Variants in EML1 observed in about 807,000 individuals in gnomAD.
The protein encoded by EML1 is echinoderm microtubule-associated protein-like 1.
In EML1, 27 loss-of-function variants were observed where a neutral mutation model predicts 110.4. The ratio of observed to expected loss-of-function variants is 0.24; its 90% CI spans 0.18 to 0.34. The LOEUF (loss-of-function observed/expected upper bound fraction) is 0.34. Among genes scored for constraint, EML1 ranks in the 10% least tolerant of loss-of-function variants. The probability of loss-of-function intolerance (pLI) is 1.00; values close to 1 mark genes in which losing one functional copy is unlikely to be tolerated. For missense variants in EML1, 741 were observed against 1,030.9 expected, an observed-to-expected ratio of 0.72 and a Z score of 3.85; for synonymous variants, 344 against 385.8, an observed-to-expected ratio of 0.89 and a Z score of 1.27.
chr14:99,836,542 T>G (rs2058543919), intron 1 of EML1, among the ~76,000 whole-genome samples: 1 of 152,222 alleles, frequency 6.6e-6, no homozygotes, highest in Admixed American at 6.5e-5. Flanking sequence ...ACTTGCAGTA[T>G]GATGTTGAAT....
At chr14:99,861,627 G>T (rs1038381206) in intron 2 of EML1, among the ~76,000 whole-genome samples, 2 of 152,010 alleles carry the variant, frequency 1.3e-5, no homozygotes, top group African/African-American at 4.8e-5. Flanking sequence ...GATGACAGGC[G>T]CATGTCACCA....
chr14:99,899,915 C>T (rs1291897924), intron 8 of EML1, among the ~76,000 whole-genome samples: 3 of 152,108 alleles, frequency 2.0e-5, no homozygotes, highest in East Asian at 1.9e-4. Context: ...AGTGAATGCC[C>T]GCGGACACCC....
At chr14:99,824,185 C>T (rs766604246) in intron 1 of EML1, among the ~76,000 whole-genome samples, 47 of 152,272 alleles carry the variant, frequency 3.1e-4, no homozygotes, top group Non-Finnish European at 3.2e-4. Flanking sequence ...GTCTCAAACT[C>T]CTGACCTCAG....
intron 1 of EML1, among the ~76,000 whole-genome samples, chr14:99,762,647 A>G (rs866463264): frequency 6.6e-6 from 1 of 152,200 alleles, no homozygotes; most frequent in East Asian, 1.9e-4. Context: ...AAAATTTTTT[A>G]AAGTAGTCAG....
chr14:99,927,305 G>A (rs1280723859), intron 17 of EML1, among the ~76,000 whole-genome samples: 2 of 152,106 alleles, frequency 1.3e-5, no homozygotes, highest in African/African-American at 4.8e-5. Flanking sequence ...AAACTGGCTC[G>A]TTTGTCCTGT....
chr14:99,778,467 G>A (rs149764914), intron 1 of EML1, among the ~76,000 whole-genome samples: 12 of 151,970 alleles, frequency 7.9e-5, no homozygotes, highest in South Asian at 2.1e-4. Context: ...GCATTTCTCC[G>A]GAGCCTCTGT....
At chr14:99,938,988 A>G (rs1172415480) in intron 20 of EML1, among the ~76,000 whole-genome samples, 1 of 152,220 alleles carries the variant, frequency 6.6e-6, no homozygotes, top group Non-Finnish European at 1.5e-5. Flanking sequence ...GCAGAGCATC[A>G]GAGGGTCTCC....
chr14:99,750,000 A>T (rs940943073), intron 1 of EML1, among the ~76,000 whole-genome samples: 2 of 152,228 alleles, frequency 1.3e-5, no homozygotes, highest in Non-Finnish European at 2.9e-5. Flanking sequence ...TCTGGAAGGC[A>T]GCCAGGAGTG....
chr14:99,806,069 C>A (rs1211360773), intron 1 of EML1, among the ~76,000 whole-genome samples: 1 of 152,148 alleles, frequency 6.6e-6, no homozygotes, highest in Admixed American at 6.5e-5. Context: ...CAATATTTGT[C>A]TTTTTAGGAG....
chr14:99,832,889 TA>T (rs1199706946), intron 1 of EML1, among the ~76,000 whole-genome samples: 5 of 152,194 alleles, frequency 3.3e-5, no homozygotes, highest in Admixed American at 6.5e-5. Flanking sequence ...TTTTCTTTTT[TA>T]AAAAATAATT....
intron 12 of EML1, 64 bp downstream of exon 12, chr14:99,910,405 T>A: frequency 7.6e-7 from 1 of 1,308,402 alleles, no homozygotes; most frequent in South Asian, 1.3e-5. Context: ...CAAACATGAG[T>A]GCTTTAAGAA....
rs138070980 is a variant in EML1 at position 99,933,458 on chromosome 14, G to C, written c.1910-2571G>C. On this transcript the variant is annotated intron_variant, in intron 17 of 21. Coordinates refer to ENST00000262233, the MANE Select transcript of EML1 (RefSeq NM_004434.3). Reference sequence around the variant, plus strand: ...TCCAAAGTGCTGGGATTAGAAGCGTGAGCCACTGCACCTGGCCTGATGGGG... The same window carrying C: ...TCCAAAGTGCTGGGATTAGAAGCGTCAGCCACTGCACCTGGCCTGATGGGG... Among the ~76,000 whole-genome samples, 294 of 152,344 alleles carry C rather than the reference G, an allele frequency of 1.9e-3. 4 individuals carry two copies. The highest frequency in any genetic ancestry group is 6.5e-3 in the African/African-American group (271 of 41,578).
intron 1 of EML1, among the ~76,000 whole-genome samples, chr14:99,748,368 G>A (rs576859184): frequency 1.3e-5 from 2 of 152,224 alleles, no homozygotes; most frequent in Admixed American, 1.3e-4. Context: ...AGGGGCCAGC[G>A]ATGCTCAAGG....
At chr14:99,895,718 G>A (rs1346797954) in intron 6 of EML1, among the ~76,000 whole-genome samples, 1 of 150,292 alleles carries the variant, frequency 6.7e-6, no homozygotes, top group Non-Finnish European at 1.5e-5. Flanking sequence ...GGAGTCAAGT[G>A]AATGACGTAA....
chr14:99,936,099 G>A lies in EML1; in HGVS notation c.1980G>A (p.Arg660=). 1 of 1,614,140 alleles carries A rather than the reference G, an allele frequency of 6.2e-7. No homozygotes were observed. The highest frequency in any genetic ancestry group is 8.5e-7 in the Non-Finnish European group (1 of 1,180,044). The change falls in exon 18 of 22, where the codon AGG becomes AGA. Residue 660 remains arginine (R), a synonymous_variant. Transcript: ENST00000262233. The surrounding 1 kb of genome is among the most constrained non-coding windows in gnomAD (Gnocchi z 5.5). The part of the protein sequence containing the change: ...IYIYGVSDNG[R]KYTRVGKCSG... ...TATATGGCGTTAGTGACAACGGGAG[G>A]AAGTACACGCGAGTGGGCAAGTGCT...
At chr14:99,938,527 G>C (rs934668697) in intron 20 of EML1, among the ~76,000 whole-genome samples, 2 of 152,142 alleles carry the variant, frequency 1.3e-5, no homozygotes, top group African/African-American at 4.8e-5. Flanking sequence ...TTGTTGAAAG[G>C]GTTTCCCCGA....
intron 1 of EML1, among the ~76,000 whole-genome samples, chr14:99,806,952 A>G (rs1056438594): frequency 4.6e-5 from 7 of 152,210 alleles, no homozygotes; most frequent in African/African-American, 1.7e-4. Context: ...AAGAAGAGAA[A>G]CAGCAGATGC....
At position 99,784,250 on chromosome 14, in the gene EML1, G is replaced by A. The variant is rs917278303; in HGVS notation, c.-27+10237G>A. On this transcript the variant is annotated intron_variant, in intron 1 of 22. Coordinates refer to the EML1 transcript ENST00000327921. This position sits in a 1 kb window ranked among gnomAD's most constrained non-coding sequence, Gnocchi z 4.5. Reference sequence around the variant, plus strand: ...TGGGACCACAGGCACATGCTACCACGCTTGGCTAATTTTTGTGTTTTGTAT... The same window carrying A: ...TGGGACCACAGGCACATGCTACCACACTTGGCTAATTTTTGTGTTTTGTAT... Among the ~76,000 whole-genome samples, 1 of 152,054 alleles carries A rather than the reference G, an allele frequency of 6.6e-6. No individual in the cohort carries two copies. Among genetic ancestry groups the A allele is most frequent in the Non-Finnish European group, 1.5e-5 (1 of 68,022 alleles).
chr14:99,915,659 C>A (rs1275807031), intron 15 of EML1, among the ~76,000 whole-genome samples: 2 of 151,910 alleles, frequency 1.3e-5, no homozygotes, highest in South Asian at 2.1e-4. Flanking sequence ...AAATAACTTG[C>A]CAAGGTCACT....
Sources: allele counts gnomAD v4.1 joint callset (sites outside exome capture counted in the v4.1 genomes callset), GRCh38; gene constraint gnomAD v4.1.1; non-coding constraint Gnocchi (gnomAD v3.1); transcripts MANE v1.5; gene names NCBI Gene and HGNC (gene_info 2026-07-23, HGNC 2026-07-21).